The following TSGA10 variants were observed in gnomAD, a reference collection of about 807,000 sequenced individuals.
TSGA10 encodes testis specific 10, also known as testis-specific gene 10 protein.
TSGA10 carries 43 observed loss-of-function variants against 96.6 expected under a neutral mutation model. The ratio of observed to expected loss-of-function variants is 0.44; its 90% CI spans 0.35 to 0.57. The LOEUF (loss-of-function observed/expected upper bound fraction) is 0.57. TSGA10 is among the 20% of genes least tolerant of loss of function. TSGA10 has a pLI of 0.01. For missense variants in TSGA10, 703 were observed against 834.4 expected, an observed-to-expected ratio of 0.84 and a Z score of 1.94; for synonymous variants, 229 against 269.9, an observed-to-expected ratio of 0.85 and a Z score of 1.48.
At chr2:99,067,698 C>A (rs1257021610) in intron 15 of TSGA10, among the ~76,000 whole-genome samples, 2 of 151,940 alleles carry the variant, frequency 1.3e-5, no homozygotes, top group Non-Finnish European at 2.9e-5. Flanking sequence ...ACTAAAAATA[C>A]AAAAATTAGC....
intron 10 of TSGA10, among the ~76,000 whole-genome samples, chr2:99,093,301 G>A (rs983951927): frequency 9.2e-5 from 14 of 151,936 alleles, no homozygotes; most frequent in African/African-American, 2.2e-4. Context: ...AATATAATAC[G>A]AAACAGGGAA....
chr2:98,998,174 G>A lies in TSGA10; in HGVS notation c.*23C>T. On this transcript the variant is annotated 3_prime_UTR_variant, in exon 21 of 21. Transcript: ENST00000393483. ...GTTTGTAACTTTGACCTTTCTCAGGGATGTGAAGAATCATTTCAGGTGTCA... is the reference window on the plus strand; with the variant it reads ...GTTTGTAACTTTGACCTTTCTCAGGAATGTGAAGAATCATTTCAGGTGTCA... The A allele has an allele frequency of 6.3e-7, 1 of 1,595,392 alleles. No individual in the cohort carries two copies. The highest frequency in any genetic ancestry group is 8.5e-7 in the Non-Finnish European group (1 of 1,173,286).
chr2:99,109,251 A>G (rs1003570969), intron 6 of TSGA10, 138 bp downstream of exon 6: 23 of 907,178 alleles, frequency 2.5e-5, no homozygotes, highest in Non-Finnish European at 3.4e-5. Flanking sequence ...CATCAAAGAG[A>G]CCTCTGTCTC....
rs145017573 is a variant in TSGA10 at position 99,028,792 on chromosome 2, T to G, written c.1614+6438A>C. 4.1e-3 allele frequency among the ~76,000 whole-genome samples: 627 copies of G among 152,326 alleles called. 5 individuals carry two copies. The highest frequency in any genetic ancestry group is 0.014 in the African/African-American group (596 of 41,558). ...CTAACTGGTCTATTGTTTCCATTTTTGTTTTCGTGATGTTTCCTCTTAATT... is the reference window on the plus strand; with the variant it reads ...CTAACTGGTCTATTGTTTCCATTTTGGTTTTCGTGATGTTTCCTCTTAATT... On this transcript the variant is annotated intron_variant, in intron 17 of 20. Transcript: ENST00000393483.
At chr2:99,150,624 T>C (rs2093683801) in intron 1 of TSGA10, 6 of 1,614,092 alleles carry the variant, frequency 3.7e-6, no homozygotes, top group Non-Finnish European at 4.2e-6. Context: ...CAAAAGTGGA[T>C]GATCACTTAA....
chr2:99,008,487 A>T (rs2078694434), intron 20 of TSGA10, among the ~76,000 whole-genome samples: 1 of 152,252 alleles, frequency 6.6e-6, no homozygotes, highest in Non-Finnish European at 1.5e-5. Flanking sequence ...AGCTACACTG[A>T]AATACCATTT....
chr2:99,031,675 A>T (rs1383378715), intron 17 of TSGA10, among the ~76,000 whole-genome samples: 1 of 152,212 alleles, frequency 6.6e-6, no homozygotes, highest in Non-Finnish European at 1.5e-5. Context: ...GTTAGGAACC[A>T]GGCCACACAG....
chr2:99,109,637 G>A (rs2091640977), intron 5 of TSGA10, 125 bp from the exon 6 acceptor site: 2 of 701,142 alleles, frequency 2.9e-6, no homozygotes, highest in Non-Finnish European at 3.9e-6. Flanking sequence ...AAAACAAACA[G>A]GATCCTTAAA....
chr2:99,095,576 GA>G (rs2089946918), intron 10 of TSGA10, among the ~76,000 whole-genome samples: 1 of 151,932 alleles, frequency 6.6e-6, no homozygotes, highest in African/African-American at 2.4e-5. Flanking sequence ...ATTTAACTAA[GA>G]AAAGAAGACA....
At chr2:99,117,337 T>C (rs1574498859) in intron 4 of TSGA10, 1 of 164,542 alleles carries the variant, frequency 6.1e-6, no homozygotes, top group African/African-American at 2.4e-5. Context: ...TGACTGCATA[T>C]TACTTAGGAA....
rs148631866 is a variant in TSGA10 at position 99,066,495 on chromosome 2, T to C, written c.1219-1371A>G. 7.2e-5 allele frequency among the ~76,000 whole-genome samples: 11 copies of C among 152,264 alleles called. No individual in the cohort carries two copies. The East Asian group carries it at 2.1e-3, about 29-fold the overall frequency. ...TGCCTTACAGCTTTGTGTTGCTAGG[T>C]GTGGATGTAAAGCCTCCCTGATAAC... On this transcript the variant is annotated intron_variant, in intron 15 of 20. Coordinates refer to ENST00000393483, the MANE Select transcript of TSGA10 (RefSeq NM_025244.4).
Position 98,998,219 on chromosome 2 carries a change from T to C in TSGA10, c.2075A>G (p.Asn692Ser), listed in dbSNP as rs770205161. The change falls in exon 21 of 21, where the codon AAT becomes AGT. Residue 692 changes from asparagine to serine, a missense_variant and splice_region_variant. Coordinates refer to ENST00000393483, the MANE Select transcript of TSGA10 (RefSeq NM_025244.4). The stretch of plus-strand genomic sequence containing the variant: ...GTGTCAGAAATCTCTGTAGCAAAGA[T>C]TCCTATAAGAGAAAAAATCATGCTG... ...DRGLDRSLEE[N>S]LCYRDF 4 of 1,597,570 alleles carry C rather than the reference T, an allele frequency of 2.5e-6. No individual in the cohort carries two copies. Among genetic ancestry groups the C allele is most frequent in the Middle Eastern group, 1.7e-4 (1 of 6,014 alleles).
intron 1 of TSGA10, chr2:99,142,504 G>A (rs1471578746): frequency 6.6e-6 from 1 of 152,106 alleles, no homozygotes; most frequent in Admixed American, 6.5e-5. Context: ...TAAATGCCAT[G>A]TTTTTCCAAT....
At chr2:99,026,576 C>A (rs746961949) in intron 17 of TSGA10, among the ~76,000 whole-genome samples, 5 of 151,934 alleles carry the variant, frequency 3.3e-5, no homozygotes, top group Non-Finnish European at 7.4e-5. Context: ...CCTGCCACCA[C>A]GCCTGGCTAA....
At chr2:99,153,678 A>C (rs529727609) in intron 1 of TSGA10, among the ~76,000 whole-genome samples, 1 of 152,354 alleles carries the variant, frequency 6.6e-6, no homozygotes, top group Admixed American at 6.5e-5. Context: ...ATAACTAGGA[A>C]AATTCCTAGT....
At chr2:99,006,802 C>A (rs1250153379) in intron 20 of TSGA10, among the ~76,000 whole-genome samples, 1 of 152,150 alleles carries the variant, frequency 6.6e-6, no homozygotes, top group East Asian at 1.9e-4. Flanking sequence ...TGGGTATATA[C>A]CCAAAGGATT....
At chr2:99,145,462 G>A (rs1343607612) in intron 1 of TSGA10, among the ~76,000 whole-genome samples, 1 of 151,796 alleles carries the variant, frequency 6.6e-6, no homozygotes, top group Non-Finnish European at 1.5e-5. Flanking sequence ...GGGAGCTGAG[G>A]CACGAGAATC....
intron 4 of TSGA10, among the ~76,000 whole-genome samples, chr2:99,116,728 A>T (rs1353450912): frequency 6.6e-6 from 1 of 151,852 alleles, no homozygotes. Flanking sequence ...AATGTTAGTT[A>T]AAAAAAAGTT....
At chr2:99,132,719 T>C (rs547900038) in intron 1 of TSGA10, among the ~76,000 whole-genome samples, 1 of 152,226 alleles carries the variant, frequency 6.6e-6, no homozygotes, top group Non-Finnish European at 1.5e-5. Context: ...ATTTTAGATC[T>C]TTCCTGCTGT....
Sources: gnomAD v4.1 joint callset for allele counts (sites outside exome capture counted in the v4.1 genomes callset) on GRCh38, gnomAD v4.1.1 for gene constraint, MANE v1.5 for transcripts, NCBI Gene and HGNC (gene_info 2026-07-23, HGNC 2026-07-21) for gene names.